KAZN: variants seen among roughly 807,000 people sequenced by gnomAD.
KAZN encodes kazrin, periplakin interacting protein.
KAZN carries 40 observed loss-of-function variants against 87.4 expected under a neutral mutation model. The observed-to-expected ratio is 0.46, with a 90% CI of 0.36 to 0.60. The LOEUF (loss-of-function observed/expected upper bound fraction) is 0.60. KAZN is among the 20% of genes least tolerant of loss of function. The pLI is 0.00. For missense variants in KAZN, 898 were observed against 1,073.9 expected, an observed-to-expected ratio of 0.84 and a Z score of 2.29; for synonymous variants, 466 against 458.3, an observed-to-expected ratio of 1.02 and a Z score of -0.22.
At chr1:14,298,398 T>C (rs1398428113) in intron 2 of KAZN, among the ~76,000 whole-genome samples, 1 of 152,218 alleles carries the variant, frequency 6.6e-6, no homozygotes. Flanking sequence ...GGCTTGTGTA[T>C]AAAAACTCAT....
chr1:15,086,273 C>G (rs989206014), intron 8 of KAZN, among the ~76,000 whole-genome samples: 1 of 152,096 alleles, frequency 6.6e-6, no homozygotes, highest in Non-Finnish European at 1.5e-5. Flanking sequence ...GCCTGGCTGA[C>G]AAAGAGAAAA....
Position 14,682,339 on chromosome 1 carries a change from G to A in KAZN, c.226+83116G>A, listed in dbSNP as rs1640720257. 3.3e-5 allele frequency among the ~76,000 whole-genome samples: 5 copies of A among 150,864 alleles called. No homozygotes were observed. In the South Asian group the frequency reaches 1.0e-3, roughly 32 times the overall value. On this transcript the variant is annotated intron_variant, in intron 1 of 14. Coordinates refer to ENST00000376030, the MANE Select transcript of KAZN (RefSeq NM_201628.3). The stretch of plus-strand genomic sequence containing the variant: ...GTCTTGCTCGGTTGCTCAGGGTGGA[G>A]TGCAGTGGCATAATCATGACACATT...
At chr1:14,757,976 G>A (rs1268931221) in intron 1 of KAZN, among the ~76,000 whole-genome samples, 1 of 152,200 alleles carries the variant, frequency 6.6e-6, no homozygotes, top group Non-Finnish European at 1.5e-5. Context: ...ATGTGTGGCA[G>A]GCTGAATTCC....
At chr1:14,814,617 A>G (rs1176412231) in intron 1 of KAZN, among the ~76,000 whole-genome samples, 1 of 152,218 alleles carries the variant, frequency 6.6e-6, no homozygotes. Context: ...GAATCCTTTG[A>G]AAACCCAGCA....
intron 2 of KAZN, among the ~76,000 whole-genome samples, chr1:14,499,495 G>A (rs187838080): frequency 3.1e-4 from 47 of 152,262 alleles, no homozygotes; most frequent in Admixed American, 2.0e-3. Flanking sequence ...GGCTGTGGGC[G>A]CCAGGATTGT....
intron 2 of KAZN, among the ~76,000 whole-genome samples, chr1:14,570,636 T>G (rs1674807423): frequency 6.6e-6 from 1 of 152,214 alleles, no homozygotes; most frequent in South Asian, 2.1e-4. Flanking sequence ...CATCAGTTGA[T>G]GAACGTTTGG....
intron 2 of KAZN, among the ~76,000 whole-genome samples, chr1:14,462,780 T>G (rs529963590): frequency 6.6e-6 from 1 of 152,268 alleles, no homozygotes; most frequent in African/African-American, 2.4e-5. Context: ...CTTGTGAGAC[T>G]TAGTCACTAT....
chr1:14,682,969 T>C (rs2148766348), intron 1 of KAZN, among the ~76,000 whole-genome samples: 1 of 152,340 alleles, frequency 6.6e-6, no homozygotes, highest in East Asian at 1.9e-4. Flanking sequence ...GAGCTTCAGT[T>C]CCTACCAGAG....
chr1:14,330,891 C>G (rs1218110345), intron 2 of KAZN, among the ~76,000 whole-genome samples: 1 of 152,148 alleles, frequency 6.6e-6, no homozygotes, highest in East Asian at 1.9e-4. Context: ...CAAGTTCAAC[C>G]TATGGAAGAG....
In KAZN at chr1:15,048,816, G is replaced by T. The variant is rs1365244499; in HGVS notation, c.726+4657G>T. ...TCATTGGTCCTGAGTCGTTGGTCCT[G>T]GGTTGTTGGTGCTGGGTCGTTGGTC... On this transcript the variant is annotated intron_variant, in intron 4 of 14. Coordinates refer to ENST00000376030, the MANE Select transcript of KAZN (RefSeq NM_201628.3). Among the ~76,000 whole-genome samples the T allele has an allele frequency of 3.8e-4, 57 of 149,338 alleles. 3 individuals carry two copies. The highest frequency in any genetic ancestry group is 1.3e-3 in the African/African-American group (54 of 40,116).
chr1:13,920,445 C>T lies in KAZN; in HGVS notation c.91+26689C>T, dbSNP rs142009982. Among the ~76,000 whole-genome samples, 292 of 152,212 alleles carry T rather than the reference C, an allele frequency of 1.9e-3. 1 individual carries two copies. Among genetic ancestry groups the T allele is most frequent in the Non-Finnish European group, 3.4e-3 (228 of 68,014 alleles). ...TTACTATTCAAGAGTGTAAGTCCTC[C>T]AGCTTTGCTTCGAATCTAACTGGTG... On this transcript the variant is annotated intron_variant, in intron 1 of 16. Transcript: ENST00000636203.
chr1:14,165,381 G>A (rs537118747), intron 1 of KAZN, among the ~76,000 whole-genome samples: 1 of 152,092 alleles, frequency 6.6e-6, no homozygotes, highest in African/African-American at 2.4e-5. Flanking sequence ...GGAATGACAA[G>A]GATCTATTTA....
rs148637212 is a variant in KAZN, at chr1:14,352,038, T to G, written c.249+171446T>G. Among the ~76,000 whole-genome samples, 508 of 152,338 alleles carry G rather than the reference T, an allele frequency of 3.3e-3. 2 individuals are homozygous for G. The highest frequency in any genetic ancestry group is 0.012 in the African/African-American group (479 of 41,586). On this transcript the variant is annotated intron_variant, in intron 2 of 16. Transcript: ENST00000636203. The stretch of plus-strand genomic sequence containing the variant: ...TTAGTGAAATTGGGGTAAGTAGCAT[T>G]TTACAAACACGTGTTTATTTCTCTA...
intron 1 of KAZN, among the ~76,000 whole-genome samples, chr1:14,894,269 T>A (rs982654940): frequency 6.6e-6 from 1 of 152,124 alleles, no homozygotes; most frequent in Non-Finnish European, 1.5e-5. Context: ...TCCTCCTGCA[T>A]CCTCCATCCC....
intron 2 of KAZN, among the ~76,000 whole-genome samples, chr1:14,336,609 CTCA>C (rs1657289350): frequency 6.6e-6 from 1 of 152,212 alleles, no homozygotes; most frequent in South Asian, 2.1e-4. Flanking sequence ...TCTCTACCTC[CTCA>C]TCAACACTTG....
chr1:13,945,708 TGTGAGAGA>T (rs1641121143), intron 1 of KAZN, among the ~76,000 whole-genome samples: 2 of 134,510 alleles, frequency 1.5e-5, no homozygotes, highest in African/African-American at 5.6e-5. Context: ...TGTGTGTGTG[TGTGAGAGA>T]GAGAGAGAGA....
At chr1:14,644,807 T>G (rs911964126) in intron 1 of KAZN, among the ~76,000 whole-genome samples, 3 of 152,232 alleles carry the variant, frequency 2.0e-5, no homozygotes, top group African/African-American at 7.2e-5. Context: ...GCTCTTTAAT[T>G]AAATCCCATT....
At chr1:14,203,340 G>T (rs1646678591) in intron 2 of KAZN, among the ~76,000 whole-genome samples, 1 of 152,122 alleles carries the variant, frequency 6.6e-6, no homozygotes, top group Non-Finnish European at 1.5e-5. Flanking sequence ...ATGAACCTAA[G>T]TCGTAAGCCC....
intron 1 of KAZN, among the ~76,000 whole-genome samples, chr1:14,665,321 A>G (rs1572172057): frequency 6.6e-6 from 1 of 152,070 alleles, no homozygotes; most frequent in South Asian, 2.1e-4. Flanking sequence ...TGTTGCACTG[A>G]AAATGTGTCA....
Sources: gnomAD v4.1 joint callset for allele counts (sites outside exome capture counted in the v4.1 genomes callset) on GRCh38, gnomAD v4.1.1 for gene constraint, MANE v1.5 for transcripts, NCBI Gene and HGNC (gene_info 2026-07-23, HGNC 2026-07-21) for gene names.